The following MALSU1 variants were observed in gnomAD, a reference collection of about 807,000 sequenced individuals.
MALSU1 encodes mitochondrial assembly of ribosomal large subunit protein 1.
Under a neutral mutation model 22.1 loss-of-function variants are expected in MALSU1, and 22 were observed. That is an observed-to-expected ratio of 1.00 (90% confidence interval 0.71 to 1.42). MALSU1 has a LOEUF of 1.42. Among genes scored for constraint, MALSU1 ranks in the 40% most tolerant of loss-of-function variants. MALSU1 has a pLI of 0.00. For synonymous variants in MALSU1, 153 were observed against 118.5 expected (o/e 1.29, Z -1.89); for missense variants, 379 against 308.3 (o/e 1.23, Z -1.72).
At chr7:23,308,523 C>T (rs1305733839) in intron 3 of MALSU1, among the ~76,000 whole-genome samples, 1 of 152,062 alleles carries the variant, frequency 6.6e-6, no homozygotes, top group Non-Finnish European at 1.5e-5. Context: ...ATACATTGTC[C>T]CGCCAGTTTT....
rs1783610096 is a variant in MALSU1 at position 23,299,466 on chromosome 7, CG to C, written c.115del (p.Val39CysfsTer6). On this transcript the variant is annotated frameshift_variant, in exon 1 of 4. Transcript: ENST00000466681. LOFTEE classifies it high-confidence loss of function. The part of the protein sequence containing the change: ...GAEPGLRLLA[V>X]QRLPVGAAFC... ...CCGAGCCCGGGCTTCGGCTGCTGGC[CG>C]TGCAGCGGCTTCCCGTAGGAGCAGC... 1 of 1,609,162 alleles carries C rather than the reference CG, an allele frequency of 6.2e-7. No homozygotes were observed. The highest frequency in any genetic ancestry group is 1.3e-5 in the African/African-American group (1 of 74,924).
Position 23,309,496 on chromosome 7 carries a change from G to C in MALSU1, c.658G>C (p.Glu220Gln). The C allele has an allele frequency of 1.2e-6, 2 of 1,611,966 alleles. No individual in the cohort carries two copies. The highest frequency in any genetic ancestry group is 1.7e-6 in the Non-Finnish European group (2 of 1,179,360). Residue 220 changes from glutamate to glutamine, a missense_variant, in exon 4 of 4, where the codon GAA becomes CAA. By Grantham distance (29) the Glu-to-Gln change is conservative (BLOSUM62 2). Transcript: ENST00000466681. ...TVPEDFILGIEDDTSSVTPVE... is the reference protein window; with the variant it reads ...TVPEDFILGIQDDTSSVTPVE... ...ACCTGAAGACTTCATTCTTGGAATA[G>C]AAGATGATACTTCATCTGTGACTCC...
At position 23,299,364 on chromosome 7, in the gene MALSU1, C is replaced by A. The variant is rs61734320; in HGVS notation, c.12C>A (p.Gly4=). Residue 4 remains glycine (G), a synonymous_variant, in exon 1 of 4, where the codon GGC becomes GGA. Transcript: ENST00000466681. The part of the protein sequence containing the change: MGP[G]GRVARLLAPL... ...GCAAGGCTGCTGCTATGGGGCCGGG[C>A]GGCCGTGTGGCGCGGCTGCTCGCCC... 10 of 1,576,608 alleles carry A rather than the reference C, an allele frequency of 6.3e-6. No individual in the cohort carries two copies. In the African/African-American group the frequency reaches 6.7e-5, roughly 11 times the overall value.
Position 23,299,625 on chromosome 7 carries a change from G to A in MALSU1, c.256+17G>A. 2 of 1,554,288 alleles carry A rather than the reference G, an allele frequency of 1.3e-6. No individual in the cohort carries two copies. Among genetic ancestry groups the A allele is most frequent in the Non-Finnish European group, 1.7e-6 (2 of 1,148,388 alleles). On this transcript the variant is annotated intron_variant, in intron 1 of 3. Transcript: ENST00000466681. ...ACGCGGCAGGTACGGGCGTGGAGAA[G>A]AACGAAGGCGACCCTCTCCGGGCAG... is the stretch of plus-strand genomic sequence containing the variant.
Position 23,310,134 on chromosome 7 carries a change from C to T in MALSU1, c.*591C>T, listed in dbSNP as rs748214079. Reference sequence around the variant, plus strand: ...CTGGACATGGTATAACAGAAATCTGCGTAGAGTTTGAAAAAAAATTCAGAA... The same window carrying T: ...CTGGACATGGTATAACAGAAATCTGTGTAGAGTTTGAAAAAAAATTCAGAA... On this transcript the variant is annotated 3_prime_UTR_variant, in exon 4 of 4. Coordinates refer to ENST00000466681, the MANE Select transcript of MALSU1 (RefSeq NM_138446.2). 49 of 151,900 alleles carry T rather than the reference C, an allele frequency of 3.2e-4. No homozygotes were observed. The highest frequency in any genetic ancestry group is 1.0e-3 in the Admixed American group (16 of 15,252). The allele number at this position is 151,900 out of a possible 1,614,324, so 9.4% of individuals were successfully genotyped here.
At chr7:23,305,519 G>C (rs1029767854) in intron 2 of MALSU1, among the ~76,000 whole-genome samples, 2 of 151,878 alleles carry the variant, frequency 1.3e-5, no homozygotes, top group African/African-American at 2.4e-5. Context: ...GAGGTTACAG[G>C]TGCCCGCCAC....
chr7:23,307,949 G>GGTAA lies in MALSU1; in HGVS notation c.517+3_517+6dup, dbSNP rs781676274. 5.9e-5 allele frequency: 95 copies of GGTAA among 1,610,376 alleles called. No homozygotes were observed. Among genetic ancestry groups the GGTAA allele is most frequent in the South Asian group, 1.9e-4 (17 of 91,006 alleles). On this transcript the variant is annotated frameshift_variant and splice_region_variant. Coordinates refer to ENST00000466681, the MANE Select transcript of MALSU1 (RefSeq NM_138446.2). LOFTEE classifies it high-confidence loss of function. ...TGATGACTGGCTGTGCGTGGATTTT[G>GGTAA]GTAAGTTATTCTGGCGTATTTTACA... is the stretch of plus-strand genomic sequence containing the variant.
At chr7:23,300,790 G>T in intron 1 of MALSU1, 49 bp from the exon 2 acceptor site, 1 of 1,519,570 alleles carries the variant, frequency 6.6e-7, no homozygotes, top group Non-Finnish European at 9.1e-7. Context: ...GTGCATACAC[G>T]TCTATCTGCT....
chr7:23,307,640 C>G, intron 2 of MALSU1: 1 of 433,130 alleles, frequency 2.3e-6, no homozygotes, highest in Non-Finnish European at 4.1e-6. Context: ...TGGGGTGACC[C>G]TCTCAGAAGG....
rs1213318785 is a variant in MALSU1, at chr7:23,307,971, T to C, written c.517+22T>C. ...TTTGGTAAGTTATTCTGGCGTATTTTACAGGTAACTGTTGGTACTACGCTA... is the reference window on the plus strand; with the variant it reads ...TTTGGTAAGTTATTCTGGCGTATTTCACAGGTAACTGTTGGTACTACGCTA... On this transcript the variant is annotated intron_variant, in intron 3 of 3. Coordinates refer to ENST00000466681, the MANE Select transcript of MALSU1 (RefSeq NM_138446.2). 5 of 1,538,854 alleles carry C rather than the reference T, an allele frequency of 3.2e-6. No homozygotes were observed. The Admixed American group carries it at 8.4e-5, about 26-fold the overall frequency.
rs549421001 is a variant in MALSU1, at chr7:23,311,113, AATT to A, written c.*1571_*1573del. ...TACTTTACTACTTAAGGTGGAGTCTAATTTTTTTTTTTTAATTTATCAGTGCTT... is the reference window on the plus strand; with the variant it reads ...TACTTTACTACTTAAGGTGGAGTCTATTTTTTTTTTAATTTATCAGTGCTT... On this transcript the variant is annotated 3_prime_UTR_variant, in exon 4 of 4. Coordinates refer to ENST00000466681, the MANE Select transcript of MALSU1 (RefSeq NM_138446.2). 5.9e-5 allele frequency: 9 copies of A among 151,974 alleles called. No individual in the cohort carries two copies. The South Asian group carries it at 1.7e-3, about 28-fold the overall frequency. 9.4% of individuals were successfully genotyped at this position (151,974 alleles called of 1,614,324 possible).
At chr7:23,304,531 A>G (rs997595177) in intron 2 of MALSU1, among the ~76,000 whole-genome samples, 3 of 152,176 alleles carry the variant, frequency 2.0e-5, no homozygotes, top group African/African-American at 7.2e-5. Context: ...ACAGTGTCTC[A>G]CTTTGTTGCC....
At chr7:23,302,749 G>GT (rs1382372842) in intron 2 of MALSU1, among the ~76,000 whole-genome samples, 2 of 152,332 alleles carry the variant, frequency 1.3e-5, no homozygotes, top group East Asian at 3.9e-4. Flanking sequence ...GTTGTTTGTG[G>GT]TAAAATATAT....
Position 23,307,732 on chromosome 7 carries a change from A to G in MALSU1, c.436-136A>G. ...ATAGTTTCCCTAAGTTATTCATCAC[A>G]GGGCAAAGTATAGCAATGAGAAATG... On this transcript the variant is annotated intron_variant, in intron 2 of 3. Coordinates refer to ENST00000466681, the MANE Select transcript of MALSU1 (RefSeq NM_138446.2). The G allele has an allele frequency of 9.9e-6, 6 of 607,406 alleles. 1 individual carries two copies. Among genetic ancestry groups the G allele is most frequent in the Non-Finnish European group, 1.8e-5 (6 of 340,746 alleles). The allele number at this position is 607,406 out of a possible 1,614,324, so 37.6% of individuals were successfully genotyped here.
rs1023388824 is a variant in MALSU1 at position 23,301,029 on chromosome 7, T to G, written c.435+12T>G. On this transcript the variant is annotated intron_variant, in intron 2 of 3. Coordinates refer to ENST00000466681, the MANE Select transcript of MALSU1 (RefSeq NM_138446.2). ...ACGTTGTGAAAATGGTAGGATGCTT[T>G]CTTTTCTCTTTTGGACCATTAACTG... 5 of 1,606,594 alleles carry G rather than the reference T, an allele frequency of 3.1e-6. No homozygotes were observed. Among genetic ancestry groups the G allele is most frequent in the Middle Eastern group, 1.7e-4 (1 of 6,034 alleles).
At chr7:23,307,827 C>CA in intron 2 of MALSU1, 41 bp from the exon 3 acceptor site, 1 of 1,329,766 alleles carries the variant, frequency 7.5e-7, no homozygotes, top group Non-Finnish European at 1.1e-6. Context: ...CAGGCTTCCC[C>CA]CATCCCCTCT....
intron 2 of MALSU1, among the ~76,000 whole-genome samples, chr7:23,301,783 A>G (rs1783652197): frequency 1.3e-5 from 2 of 152,154 alleles, no homozygotes; most frequent in Non-Finnish European, 2.9e-5. Context: ...ATCCTGGCCA[A>G]CATGGTGAAA....
At chr7:23,300,786 A>G (rs1783631675) in intron 1 of MALSU1, 53 bp from the exon 2 acceptor site, 5 of 1,483,706 alleles carry the variant, frequency 3.4e-6, no homozygotes, top group Non-Finnish European at 4.7e-6. Flanking sequence ...CTGGGTGCAT[A>G]CACGTCTATC....
Position 23,310,187 on chromosome 7 carries a change from TAAAA to T in MALSU1, c.*645_*648del, listed in dbSNP as rs1783791369. The T allele has an allele frequency of 6.6e-6, 1 of 152,068 alleles. No homozygotes were observed. Among genetic ancestry groups the T allele is most frequent in the Non-Finnish European group, 1.5e-5 (1 of 68,004 alleles). The allele number at this position is 152,068 out of a possible 1,614,324, so 9.4% of individuals were successfully genotyped here. On this transcript the variant is annotated 3_prime_UTR_variant, in exon 4 of 4. Transcript: ENST00000466681. ...TTCCCATTCAATTGAAAACCAAAAATAAAACATACTACACAACAAGCTGCACCTA... is the reference window on the plus strand; with the variant it reads ...TTCCCATTCAATTGAAAACCAAAAATCATACTACACAACAAGCTGCACCTA...
Sources: allele counts gnomAD v4.1 joint callset (sites outside exome capture counted in the v4.1 genomes callset), GRCh38; gene constraint gnomAD v4.1.1; transcripts MANE v1.5; gene names NCBI Gene and HGNC (gene_info 2026-07-23, HGNC 2026-07-21).